Variants in CFAP299 observed in about 807,000 individuals in gnomAD.
CFAP299 encodes cilia and flagella associated protein 299, also known as cilia- and flagella-associated protein 299.
CFAP299 carries 21 observed loss-of-function variants against 27.0 expected under a neutral mutation model. The ratio of observed to expected loss-of-function variants is 0.78; its 90% CI spans 0.55 to 1.12. The LOEUF (loss-of-function observed/expected upper bound fraction) is 1.12, where lower values mean the gene tolerates loss of function less well. Ranked by LOEUF, CFAP299 falls within the 50% of genes most tolerant of loss-of-function variation. The probability of loss-of-function intolerance (pLI) is 0.00; values close to 1 mark genes in which losing one functional copy is unlikely to be tolerated. For missense variants in CFAP299, 310 were observed against 276.6 expected (o/e 1.12, Z -0.86); for synonymous variants, 104 against 98.1 (o/e 1.06, Z -0.36).
At chr4:80,960,216 T>G (rs1300717598) in intron 5 of CFAP299, among the ~76,000 whole-genome samples, 1 of 151,840 alleles carries the variant, frequency 6.6e-6, no homozygotes, top group Non-Finnish European at 1.5e-5. Flanking sequence ...TCTCATAGCT[T>G]CTTTTCAGAC....
intron 2 of CFAP299, among the ~76,000 whole-genome samples, chr4:80,449,409 T>C (rs1245016622): frequency 1.3e-5 from 2 of 151,960 alleles, no homozygotes; most frequent in East Asian, 3.8e-4. Context: ...ACCTTCATTC[T>C]ATCTTTTCTT....
chr4:80,928,173 C>T (rs925293497), intron 4 of CFAP299, among the ~76,000 whole-genome samples: 1 of 152,070 alleles, frequency 6.6e-6, no homozygotes, highest in African/African-American at 2.4e-5. Flanking sequence ...GTTCACAGTA[C>T]TCATTTATAA....
chr4:80,665,051 G>T (rs553928104), intron 3 of CFAP299, among the ~76,000 whole-genome samples: 122 of 152,236 alleles, frequency 8.0e-4, no homozygotes, highest in Non-Finnish European at 1.4e-3. Flanking sequence ...CCCTCTGTGG[G>T]CTGCACACAC....
chr4:80,680,128 C>A (rs1719744972), intron 3 of CFAP299, among the ~76,000 whole-genome samples: 1 of 151,988 alleles, frequency 6.6e-6, no homozygotes. Context: ...TCTCTGGAAC[C>A]AGAAGTCAAC....
At chr4:80,667,498 C>T (rs1440802975) in intron 3 of CFAP299, among the ~76,000 whole-genome samples, 2 of 152,026 alleles carry the variant, frequency 1.3e-5, no homozygotes, top group African/African-American at 4.8e-5. Context: ...CTCACTTGCC[C>T]CTCAACCTTT....
chr4:80,805,624 G>T (rs1728824358), intron 3 of CFAP299, among the ~76,000 whole-genome samples: 1 of 152,000 alleles, frequency 6.6e-6, no homozygotes, highest in Non-Finnish European at 1.5e-5. Context: ...CAGGAGGATT[G>T]CTTGAGCCCA....
chr4:80,715,102 C>A (rs1722403902), intron 3 of CFAP299, among the ~76,000 whole-genome samples: 1 of 152,068 alleles, frequency 6.6e-6, no homozygotes, highest in Admixed American at 6.6e-5. Context: ...CCCAATAAAT[C>A]TTAGTTTCTC....
At chr4:80,786,538 A>C (rs919631203) in intron 3 of CFAP299, among the ~76,000 whole-genome samples, 2 of 152,146 alleles carry the variant, frequency 1.3e-5, no homozygotes, top group Non-Finnish European at 2.9e-5. Flanking sequence ...ATATTAATAA[A>C]AGTTTGGCCA....
At chr4:80,750,918 C>T (rs1724895448) in intron 3 of CFAP299, among the ~76,000 whole-genome samples, 1 of 152,178 alleles carries the variant, frequency 6.6e-6, no homozygotes, top group Admixed American at 6.5e-5. Flanking sequence ...GCTCCTGTAT[C>T]ATTTTATCAT....
intron 3 of CFAP299, among the ~76,000 whole-genome samples, chr4:80,865,893 G>A (rs193011410): frequency 8.0e-4 from 97 of 121,602 alleles, no homozygotes; most frequent in African/African-American, 2.8e-3. Context: ...CACAGGGTGG[G>A]GAACATCACA....
chr4:80,827,525 T>A (rs1730051335), intron 3 of CFAP299, among the ~76,000 whole-genome samples: 1 of 151,798 alleles, frequency 6.6e-6, no homozygotes, highest in South Asian at 2.1e-4. Context: ...TCTTTCATGA[T>A]AAAAACACTC....
intron 3 of CFAP299, among the ~76,000 whole-genome samples, chr4:80,661,516 G>A (rs1402928653): frequency 1.3e-5 from 2 of 151,970 alleles, no homozygotes; most frequent in Admixed American, 1.3e-4. Context: ...AAGATTTAAT[G>A]GACAATTATC....
intron 3 of CFAP299, among the ~76,000 whole-genome samples, chr4:80,861,401 C>T (rs1005556105): frequency 5.3e-5 from 8 of 152,274 alleles, no homozygotes; most frequent in East Asian, 1.9e-4. Flanking sequence ...GGCTCGTGCA[C>T]GGTGCACTGA....
At chr4:80,593,215 C>G (rs916383898) in intron 3 of CFAP299, among the ~76,000 whole-genome samples, 1 of 152,170 alleles carries the variant, frequency 6.6e-6, no homozygotes, top group African/African-American at 2.4e-5. Context: ...AGGGGAAGAT[C>G]TAAATCTGAA....
chr4:80,653,217 T>G (rs780944143), intron 3 of CFAP299, among the ~76,000 whole-genome samples: 59 of 152,254 alleles, frequency 3.9e-4, no homozygotes, highest in Middle Eastern at 3.4e-3. Context: ...TGTCCCACAT[T>G]TTGACAAACG....
At chr4:80,695,705 C>T (rs1199679796) in intron 3 of CFAP299, among the ~76,000 whole-genome samples, 1 of 141,696 alleles carries the variant, frequency 7.1e-6, no homozygotes, top group Non-Finnish European at 1.5e-5. Flanking sequence ...CAGGGTCTTG[C>T]TCTGTTGCCC....
chr4:80,386,332 C>T (rs1158984996), intron 2 of CFAP299: 8 of 1,369,124 alleles, frequency 5.8e-6, no homozygotes, highest in African/African-American at 2.8e-5. Flanking sequence ...CCACCCACGA[C>T]GATGGAAAGC....
chr4:80,800,570 T>C (rs532759298), intron 3 of CFAP299, among the ~76,000 whole-genome samples: 7 of 58,202 alleles, frequency 1.2e-4, no homozygotes, highest in African/African-American at 3.3e-4. Flanking sequence ...TATAATATAT[T>C]AATATAAATA....
intron 3 of CFAP299, among the ~76,000 whole-genome samples, chr4:80,677,832 TG>T (rs1719569561): frequency 6.6e-6 from 1 of 152,086 alleles, no homozygotes; most frequent in African/African-American, 2.4e-5. Flanking sequence ...TCTTCATGTG[TG>T]GCATTAGTTT....
Sources: gnomAD v4.1 joint callset for allele counts (sites outside exome capture counted in the v4.1 genomes callset) on GRCh38, gnomAD v4.1.1 for gene constraint, MANE v1.5 for transcripts, NCBI Gene and HGNC (gene_info 2026-07-23, HGNC 2026-07-21) for gene names.